The following ATP9A variants were observed in gnomAD, a reference collection of about 807,000 sequenced individuals.
The protein encoded by ATP9A is probable phospholipid-transporting ATPase IIA.
In ATP9A, 52 loss-of-function variants were observed where a neutral mutation model predicts 144.1. That is an observed-to-expected ratio of 0.36 (90% CI 0.29 to 0.45). The LOEUF (loss-of-function observed/expected upper bound fraction) is 0.45, where lower values mean the gene tolerates loss of function less well. Among genes scored for constraint, ATP9A ranks in the 20% least tolerant of loss-of-function variants. ATP9A has a pLI of 1.00. For synonymous variants in ATP9A, 582 were observed against 557.4 expected (o/e 1.04, Z -0.62); for missense variants, 947 against 1,392.7 (o/e 0.68, Z 5.09).
chr20:51,639,440 A>C lies in ATP9A; in HGVS notation c.1571T>G (p.Met524Arg). ...LTLVGRDQSS[M>R]QLRTPGDQIL... ...CTGGTCGCCAGGGGTCCTCAGCTGC[A>C]TGGAAGACTGGTCTCGGCCCACCAG... Residue 524 changes from methionine to arginine, a missense_variant, in exon 15 of 28, where the codon ATG becomes AGG. Transcript: ENST00000338821. The C allele has an allele frequency of 6.2e-7, 1 of 1,614,062 alleles. No individual in the cohort carries two copies. Among genetic ancestry groups the C allele is most frequent in the South Asian group, 1.1e-5 (1 of 91,076 alleles).
At position 51,649,712 on chromosome 20, in the gene ATP9A, C is replaced by T. The variant is rs533398629; in HGVS notation, c.1506+7226G>A. On this transcript the variant is annotated intron_variant, in intron 14 of 27. Coordinates refer to ENST00000338821, the MANE Select transcript of ATP9A (RefSeq NM_006045.3). Reference sequence around the variant, plus strand: ...GGCAGATCACTTGAGGTCAGGAGCTCGAGACCAGCCTGGCCAACATGGTGA... The same window carrying T: ...GGCAGATCACTTGAGGTCAGGAGCTTGAGACCAGCCTGGCCAACATGGTGA... Among the ~76,000 whole-genome samples, 148 of 152,148 alleles carry T rather than the reference C, an allele frequency of 9.7e-4. 2 individuals carry two copies. Among genetic ancestry groups the T allele is most frequent in the Admixed American group, 1.8e-3 (27 of 15,268 alleles).
At chr20:51,635,894 G>A (rs1426971050) in intron 15 of ATP9A, among the ~76,000 whole-genome samples, 2 of 142,162 alleles carry the variant, frequency 1.4e-5, no homozygotes, top group Non-Finnish European at 3.1e-5. Context: ...GGAGGGGAGG[G>A]GAGAGGACAG....
intron 3 of ATP9A, among the ~76,000 whole-genome samples, chr20:51,718,127 C>T (rs552802224): frequency 1.3e-4 from 20 of 152,282 alleles, no homozygotes; most frequent in African/African-American, 4.6e-4. Context: ...CCAGACTGCA[C>T]ATCACGCTTG....
At chr20:51,616,748 A>G (rs2077204578) in intron 22 of ATP9A, among the ~76,000 whole-genome samples, 1 of 152,178 alleles carries the variant, frequency 6.6e-6, no homozygotes, top group African/African-American at 2.4e-5. Flanking sequence ...GACAGAAAAA[A>G]TATTTCCTAA....
intron 1 of ATP9A, among the ~76,000 whole-genome samples, chr20:51,745,543 T>C (rs2077804557): frequency 6.6e-6 from 1 of 152,046 alleles, no homozygotes; most frequent in African/African-American, 2.4e-5. Flanking sequence ...TCTAGGGATG[T>C]GTTTGATTGT....
At chr20:51,752,214 T>C (rs2077835513) in intron 1 of ATP9A, among the ~76,000 whole-genome samples, 4 of 152,188 alleles carry the variant, frequency 2.6e-5, no homozygotes, top group Admixed American at 2.6e-4. Flanking sequence ...ACTAGTTAAT[T>C]AACCCTGCTA....
chr20:51,720,813 G>A (rs1000259583), intron 3 of ATP9A, among the ~76,000 whole-genome samples: 3 of 152,036 alleles, frequency 2.0e-5, no homozygotes, highest in African/African-American at 7.2e-5. Context: ...CAATCTAGGC[G>A]ACACAGCGAG....
intron 15 of ATP9A, among the ~76,000 whole-genome samples, chr20:51,636,153 T>A (rs2077291354): frequency 6.6e-6 from 1 of 152,162 alleles, no homozygotes; most frequent in Non-Finnish European, 1.5e-5. Context: ...TAAGACTTGC[T>A]TGAACGCAAG....
chr20:51,712,654 A>T (rs2077644557), intron 4 of ATP9A, among the ~76,000 whole-genome samples: 1 of 152,232 alleles, frequency 6.6e-6, no homozygotes, highest in African/African-American at 2.4e-5. Flanking sequence ...CTCTTCAGCC[A>T]GGCGGCAGAA....
chr20:51,700,363 A>C (rs1403799708), intron 4 of ATP9A, among the ~76,000 whole-genome samples: 3 of 152,124 alleles, frequency 2.0e-5, no homozygotes, highest in Non-Finnish European at 2.9e-5. Flanking sequence ...TCTACAACAA[A>C]CACAAAAAAT....
chr20:51,710,432 T>G (rs1277408445), intron 4 of ATP9A, among the ~76,000 whole-genome samples: 1 of 152,190 alleles, frequency 6.6e-6, no homozygotes, highest in Non-Finnish European at 1.5e-5. Context: ...CAAGGAAATA[T>G]TATGAAGGAA....
rs1276852671 is a variant in ATP9A at position 51,608,030 on chromosome 20, T to A, written c.2746-446A>T. 5.9e-5 allele frequency among the ~76,000 whole-genome samples: 8 copies of A among 134,998 alleles called. No homozygotes were observed. In the Admixed American group the frequency reaches 6.5e-4, roughly 11 times the overall value. 88.6% of individuals were successfully genotyped at this position (134,998 alleles called of 152,430 possible). A position where few individuals can be genotyped will look rare whatever the true frequency, so the allele number is the denominator to read the frequency against. On this transcript the variant is annotated intron_variant, in intron 25 of 27. Coordinates refer to ENST00000338821, the MANE Select transcript of ATP9A (RefSeq NM_006045.3). ...CTACACTCCAGCGTGGGTGACAAAG[T>A]GAGAATTAGTCTCAAAAAAAAAAAA...
chr20:51,739,349 CTTTTT>C (rs749000986), intron 1 of ATP9A, among the ~76,000 whole-genome samples: 5 of 134,656 alleles, frequency 3.7e-5, no homozygotes, highest in Admixed American at 3.0e-4. Flanking sequence ...TACACTCACT[CTTTTT>C]TTTTTTTTTT....
intron 15 of ATP9A, among the ~76,000 whole-genome samples, chr20:51,636,557 T>G (rs1334769262): frequency 6.7e-6 from 1 of 148,898 alleles, no homozygotes; most frequent in African/African-American, 2.6e-5. Flanking sequence ...AACCCCCAAG[T>G]CCTGGCGTAG....
At chr20:51,601,860 T>C (rs1389649216) in intron 27 of ATP9A, among the ~76,000 whole-genome samples, 6 of 151,764 alleles carry the variant, frequency 4.0e-5, no homozygotes, top group Admixed American at 2.0e-4. Context: ...TGAGCCAACA[T>C]TGCACCACCG....
At chr20:51,736,285 G>A (rs1184580619) in intron 1 of ATP9A, among the ~76,000 whole-genome samples, 1 of 152,136 alleles carries the variant, frequency 6.6e-6, no homozygotes, top group Non-Finnish European at 1.5e-5. Context: ...TTGTCACCAG[G>A]GCAAGGAGTC....
chr20:51,601,757 C>G lies in ATP9A; in HGVS notation c.3008-410G>C, dbSNP rs556981308. Among the ~76,000 whole-genome samples, 4 of 152,112 alleles carry G rather than the reference C, an allele frequency of 2.6e-5. 1 individual carries two copies. The highest frequency in any genetic ancestry group is 1.3e-4 in the Admixed American group (2 of 15,274). On this transcript the variant is annotated intron_variant, in intron 27 of 27. Coordinates refer to ENST00000338821, the MANE Select transcript of ATP9A (RefSeq NM_006045.3). ...CCTGTCTCTACAAAAAATACAAAAA[C>G]TAGCCAGGCATGGTGGTACATGCCT...
chr20:51,602,574 C>T (rs1327862713), intron 27 of ATP9A, among the ~76,000 whole-genome samples: 1 of 152,236 alleles, frequency 6.6e-6, no homozygotes, highest in Non-Finnish European at 1.5e-5. Context: ...AGGGATGCTC[C>T]TTTAGTTCCT....
At chr20:51,674,047 T>C (rs1359610219) in intron 11 of ATP9A, 106 bp downstream of exon 11, 9 of 1,354,794 alleles carry the variant, frequency 6.6e-6, no homozygotes, top group Non-Finnish European at 7.9e-6. Context: ...CAAAACTCCA[T>C]CTCAGAAAAC....
Sources: allele counts gnomAD v4.1 joint callset (sites outside exome capture counted in the v4.1 genomes callset), GRCh38; gene constraint gnomAD v4.1.1; transcripts MANE v1.5; gene names NCBI Gene and HGNC (gene_info 2026-07-23, HGNC 2026-07-21).